Variants in FHDC1 observed in about 807,000 individuals in gnomAD.
FHDC1 encodes the protein FH2 domain-containing protein 1.
In FHDC1, 25 loss-of-function variants were observed where a neutral mutation model predicts 52.6. The observed-to-expected ratio is 0.48, with a 90% CI of 0.35 to 0.66. The LOEUF is 0.66. Among genes scored for constraint, FHDC1 ranks in the 30% least tolerant of loss-of-function variants. FHDC1 has a pLI of 0.01. For missense variants in FHDC1, 1,459 were observed against 1,452.8 expected, an observed-to-expected ratio of 1.00 and a Z score of -0.07; for synonymous variants, 616 against 581.5, an observed-to-expected ratio of 1.06 and a Z score of -0.85.
chr4:152,943,715 G>C (rs1230516179), intron 2 of FHDC1, among the ~76,000 whole-genome samples, 160 bp downstream of exon 2: 2 of 152,290 alleles, frequency 1.3e-5, no homozygotes, highest in African/African-American at 4.8e-5. Context: ...CGATGAGCTT[G>C]AGCTGAGTAT....
At position 152,943,203 on chromosome 4, in the gene FHDC1, G is replaced by A. The variant is rs144913043; in HGVS notation, c.146G>A (p.Cys49Tyr). The A allele has an allele frequency of 3.0e-3, 4,757 of 1,611,246 alleles. 55 individuals are homozygous for A. Among genetic ancestry groups the A allele is most frequent in the Middle Eastern group, 0.027 (161 of 6,046 alleles). Residue 49 changes from cysteine (C) to tyrosine (Y), a missense_variant, in exon 2 of 12, where the codon TGT becomes TAT. Transcript: ENST00000511601. ...CCCCCTCCATCTCCACCATGTTCAT[G>A]TTCAAGGGAAGAGTGTCCTTCCTCC... ...PPPPPSPPCS[C>Y]SREECPSSPP...
chr4:152,939,658 G>A (rs1011298382), intron 1 of FHDC1, among the ~76,000 whole-genome samples: 3 of 152,180 alleles, frequency 2.0e-5, no homozygotes, highest in Non-Finnish European at 4.4e-5. Flanking sequence ...CAGCCTCCTT[G>A]GGAGAGTCCA....
Position 152,972,434 on chromosome 4 carries a change from G to T in FHDC1, c.1276G>T (p.Ala426Ser). 2 of 1,613,748 alleles carry T rather than the reference G, an allele frequency of 1.2e-6. No homozygotes were observed. Among genetic ancestry groups the T allele is most frequent in the South Asian group, 1.1e-5 (1 of 90,974 alleles). The change falls in exon 11 of 12, where the codon GCC (alanine) becomes TCC (serine). Residue 426 changes from alanine to serine, a missense_variant. By Grantham distance (99) the Ala-to-Ser change is moderately conservative. This residue lies in a region of FHDC1 where 513 missense variants were observed against 581.5 expected (regional missense o/e 0.88). Transcript: ENST00000511601. ...CTGGAAACAAGAGCTCCAGGATGAG[G>T]CCTACACCCTTATAGATTTTTTCTG... ...ECWKQELQDEAYTLIDFFCED... is the reference protein window; with the variant it reads ...ECWKQELQDESYTLIDFFCED...
rs749006839 is a variant in FHDC1 at position 152,967,954 on chromosome 4, G to A, written c.1101-26G>A. 70 of 1,565,362 alleles carry A rather than the reference G, an allele frequency of 4.5e-5. 1 individual carries two copies. In the South Asian group the frequency reaches 7.5e-4, roughly 17 times the overall value. ...GACACATGGCTTCCTTGTTCCAACT[G>A]CCCACTCTCCCCTTTCTTCTTTTAG... is the stretch of plus-strand genomic sequence containing the variant. On this transcript the variant is annotated intron_variant, in intron 9 of 11. Transcript: ENST00000511601.
At chr4:152,963,378 G>A (rs1201922676) in intron 8 of FHDC1, among the ~76,000 whole-genome samples, 1 of 152,214 alleles carries the variant, frequency 6.6e-6, no homozygotes, top group Non-Finnish European at 1.5e-5. Context: ...GGATTTAAGT[G>A]TCAAAGGTGG....
chr4:152,968,619 C>T (rs1239952356), intron 10 of FHDC1, among the ~76,000 whole-genome samples: 14 of 152,250 alleles, frequency 9.2e-5, no homozygotes, highest in East Asian at 1.9e-4. Flanking sequence ...TGTGAGCCAC[C>T]GCGCCCAGCC....
chr4:152,966,482 T>C (rs1398740027), intron 9 of FHDC1, among the ~76,000 whole-genome samples: 1 of 152,056 alleles, frequency 6.6e-6, no homozygotes, highest in African/African-American at 2.4e-5. Context: ...TTTTTTGAGA[T>C]AGAGCCTCGC....
chr4:152,919,941 GTTCT>G, the FHDC1 span, among the ~76,000 whole-genome samples: 4 of 121,878 alleles, frequency 3.3e-5, no homozygotes, highest in Non-Finnish European at 5.1e-5. Context: ...TGGTAGGGAA[GTTCT>G]TTTTTTTTTT....
At chr4:152,922,972 A>G in the FHDC1 span, among the ~76,000 whole-genome samples, 2 of 151,964 alleles carry the variant, frequency 1.3e-5, no homozygotes, top group Admixed American at 1.3e-4. Context: ...CTCTGTCACC[A>G]CTCCTATTCA....
upstream of FHDC1, among the ~76,000 whole-genome samples, chr4:152,935,919 C>T (rs1030783578): frequency 6.6e-5 from 10 of 152,154 alleles, no homozygotes; most frequent in Non-Finnish European, 1.2e-4. Context: ...GTCGCAAAGG[C>T]TCCTTTGTGA....
At chr4:152,933,444 G>A (rs574395688), upstream of FHDC1, among the ~76,000 whole-genome samples, 12 of 152,216 alleles carry the variant, frequency 7.9e-5, no homozygotes, top group Non-Finnish European at 1.5e-4. Flanking sequence ...AAAAATAAGA[G>A]TCAAAGTAGG....
the FHDC1 span, among the ~76,000 whole-genome samples, chr4:152,914,308 AG>A: frequency 2.0e-5 from 3 of 152,178 alleles, no homozygotes; most frequent in African/African-American, 7.2e-5. Flanking sequence ...TAAATTGCCA[AG>A]TGGTCATCGT....
chr4:152,960,544 C>G (rs1415958036), intron 4 of FHDC1, 21 bp from the exon 5 acceptor site: 1 of 1,591,180 alleles, frequency 6.3e-7, no homozygotes, highest in Admixed American at 1.7e-5. Context: ...TATATACCCC[C>G]CCTTTCCATT....
chr4:152,914,404 T>C, the FHDC1 span, among the ~76,000 whole-genome samples: 1 of 152,228 alleles, frequency 6.6e-6, no homozygotes, highest in Non-Finnish European at 1.5e-5. Flanking sequence ...AAGTGAGGAC[T>C]GTTAGTCTGG....
chr4:152,925,898 G>C, the FHDC1 span, among the ~76,000 whole-genome samples: 1 of 151,076 alleles, frequency 6.6e-6, no homozygotes, highest in African/African-American at 2.4e-5. Context: ...GAGGAGGAGG[G>C]AGAAGGAGAA....
the FHDC1 span, among the ~76,000 whole-genome samples, chr4:152,923,809 G>A: frequency 6.6e-6 from 1 of 152,032 alleles, no homozygotes; most frequent in Non-Finnish European, 1.5e-5. Context: ...GCCATATGTA[G>A]AAAGCTGAAA....
rs754902803 is a variant in FHDC1 at position 152,943,185 on chromosome 4, C to T, written c.128C>T (p.Pro43Leu). The T allele has an allele frequency of 1.2e-5, 19 of 1,612,970 alleles. No individual in the cohort carries two copies. The highest frequency in any genetic ancestry group is 2.2e-5 in the East Asian group (1 of 44,826). ...CCTCCACCTCCTCCTCCACCCCCTC[C>T]ATCTCCACCATGTTCATGTTCAAGG... ...APPPPPPPPP[P>L]SPPCSCSREE... Residue 43 changes from proline (P) to leucine (L), a missense_variant, in exon 2 of 12, where the codon CCA becomes CTA. Transcript: ENST00000511601.
At chr4:152,952,078 G>A (rs1739941792) in intron 2 of FHDC1, among the ~76,000 whole-genome samples, 1 of 152,306 alleles carries the variant, frequency 6.6e-6, no homozygotes, top group Admixed American at 6.5e-5. Context: ...TTGGTGAAAT[G>A]TATACAGCAC....
At chr4:152,927,413 C>T in the FHDC1 span, 24 of 780,160 alleles carry the variant, frequency 3.1e-5, no homozygotes, top group African/African-American at 3.1e-4. Flanking sequence ...TTTATTTTGC[C>T]GGGACTCTAT....
Sources: allele counts gnomAD v4.1 joint callset (sites outside exome capture counted in the v4.1 genomes callset), GRCh38; gene constraint gnomAD v4.1.1; regional missense constraint gnomAD v4.1.1; transcripts MANE v1.5; gene names NCBI Gene and HGNC (gene_info 2026-07-23, HGNC 2026-07-21).